Variants in GRID2 observed in about 807,000 individuals in gnomAD.
The protein encoded by GRID2 is glutamate receptor ionotropic, delta-2.
Under a neutral mutation model 114.8 loss-of-function variants are expected in GRID2, and 33 were observed. That is an observed-to-expected ratio of 0.29 (90% CI 0.22 to 0.38). The LOEUF is 0.38. GRID2 is among the 10% of genes least tolerant of loss of function. The pLI, the probability that GRID2 is intolerant of heterozygous loss-of-function variation, is 1.00. For missense variants in GRID2, 1,184 were observed against 1,257.7 expected, an observed-to-expected ratio of 0.94 and a Z score of 0.89; for synonymous variants, 505 against 449.9, an observed-to-expected ratio of 1.12 and a Z score of -1.55.
chr4:93,679,536 C>T (rs954220983), intron 14 of GRID2, among the ~76,000 whole-genome samples: 3 of 150,958 alleles, frequency 2.0e-5, no homozygotes, highest in African/African-American at 4.9e-5. Context: ...AAGTAAAGCA[C>T]TCCTCAGCAA....
chr4:92,483,332 T>A (rs889481080), intron 1 of GRID2, among the ~76,000 whole-genome samples: 1 of 152,028 alleles, frequency 6.6e-6, no homozygotes, highest in African/African-American at 2.4e-5. Context: ...AGTGAGACTC[T>A]GTCTCACAAT....
Position 93,194,322 on chromosome 4 carries a change from G to A in GRID2, c.736-13082G>A, listed in dbSNP as rs758205842. 7.4e-4 allele frequency among the ~76,000 whole-genome samples: 112 copies of A among 152,124 alleles called. 1 individual carries two copies. Among genetic ancestry groups the A allele is most frequent in the Non-Finnish European group, 2.6e-4 (18 of 68,010 alleles). ...GTGTCATCAAACTAATTTGTGCAAA[G>A]CTATAATTTGTGTAGCAATGATTGA... On this transcript the variant is annotated intron_variant, in intron 4 of 15. Transcript: ENST00000282020.
downstream of GRID2, among the ~76,000 whole-genome samples, chr4:93,778,778 T>A (rs2110348862): frequency 6.6e-6 from 1 of 152,300 alleles, no homozygotes; most frequent in East Asian, 1.9e-4. Context: ...CACTGTTTTT[T>A]AAAAAAGCTT....
At chr4:92,424,610 C>T (rs1732064867) in intron 1 of GRID2, among the ~76,000 whole-genome samples, 1 of 151,522 alleles carries the variant, frequency 6.6e-6, no homozygotes, top group Non-Finnish European at 1.5e-5. Flanking sequence ...TATAAAAGAA[C>T]TAAAATTTAC....
At chr4:92,396,397 T>C (rs1053876937) in intron 1 of GRID2, among the ~76,000 whole-genome samples, 2 of 151,962 alleles carry the variant, frequency 1.3e-5, no homozygotes, top group African/African-American at 2.4e-5. Flanking sequence ...TGCCGATTGC[T>C]TTTTGTAAGT....
chr4:92,377,573 T>G (rs1443508329), intron 1 of GRID2, among the ~76,000 whole-genome samples: 1 of 152,130 alleles, frequency 6.6e-6, no homozygotes, highest in Non-Finnish European at 1.5e-5. Context: ...CCCACTCTAC[T>G]CATAGCAATT....
intron 2 of GRID2, among the ~76,000 whole-genome samples, chr4:92,635,401 C>T (rs971348645): frequency 6.6e-6 from 1 of 151,916 alleles, no homozygotes; most frequent in Non-Finnish European, 1.5e-5. Context: ...TTATATATGT[C>T]TTTATTGTTT....
intron 2 of GRID2, among the ~76,000 whole-genome samples, chr4:92,818,651 C>T (rs967273802): frequency 2.0e-5 from 3 of 152,128 alleles, no homozygotes; most frequent in African/African-American, 7.2e-5. Context: ...CTTATATTAA[C>T]TTGATGAGTC....
At chr4:93,567,141 A>G (rs1052233935) in intron 13 of GRID2, among the ~76,000 whole-genome samples, 3 of 152,196 alleles carry the variant, frequency 2.0e-5, no homozygotes. Flanking sequence ...GGTCATGCCA[A>G]AGTTTTAAAA....
intron 2 of GRID2, among the ~76,000 whole-genome samples, chr4:92,999,727 G>A (rs556094012): frequency 6.2e-4 from 94 of 151,118 alleles, no homozygotes; most frequent in African/African-American, 2.0e-3. Flanking sequence ...TCTTTTGACC[G>A]TTATATATTT....
chr4:92,885,685 T>C (rs1240335312), intron 2 of GRID2, among the ~76,000 whole-genome samples: 1 of 152,230 alleles, frequency 6.6e-6, no homozygotes, highest in Non-Finnish European at 1.5e-5. Context: ...AAATTACTTT[T>C]TGATTGATAG....
intron 2 of GRID2, among the ~76,000 whole-genome samples, chr4:92,901,757 G>A (rs1239361731): frequency 6.6e-6 from 1 of 151,906 alleles, no homozygotes; most frequent in Non-Finnish European, 1.5e-5. Flanking sequence ...TGTGCTGTTG[G>A]ATACAGTGTT....
chr4:92,858,759 A>G (rs13117925), intron 2 of GRID2, among the ~76,000 whole-genome samples: 28,149 of 151,990 alleles, frequency 0.19, 2,954 homozygotes, highest in Middle Eastern at 0.3. Flanking sequence ...GGGTTTCACC[A>G]TGTTAGCCAG....
At chr4:92,566,990 A>G (rs1579593591) in intron 1 of GRID2, among the ~76,000 whole-genome samples, 1 of 152,010 alleles carries the variant, frequency 6.6e-6, no homozygotes, top group Non-Finnish European at 1.5e-5. Flanking sequence ...TCATTTACTT[A>G]CTTGTCAGAG....
chr4:93,633,027 C>G (rs1184986212), intron 14 of GRID2, among the ~76,000 whole-genome samples: 1 of 150,738 alleles, frequency 6.6e-6, no homozygotes, highest in Admixed American at 6.7e-5. Flanking sequence ...TTGTCTTTTA[C>G]TGGTGTATAA....
At chr4:92,339,378 C>A (rs767428872) in intron 1 of GRID2, among the ~76,000 whole-genome samples, 1 of 152,118 alleles carries the variant, frequency 6.6e-6, no homozygotes, top group African/African-American at 2.4e-5. Flanking sequence ...AACACTAGAC[C>A]AATTCAATAT....
At chr4:93,810,274 CACAG>C (rs1735107736), downstream of GRID2, 1 of 152,090 alleles carries the variant, frequency 6.6e-6, no homozygotes, top group Non-Finnish European at 1.5e-5. Context: ...CTTCCTTTCC[CACAG>C]ACATACTTTT....
intron 2 of GRID2, among the ~76,000 whole-genome samples, chr4:92,932,480 G>A (rs909239625): frequency 1.3e-5 from 2 of 151,216 alleles, no homozygotes; most frequent in African/African-American, 2.4e-5. Context: ...TAGGAAAAAT[G>A]TATGTGAAAT....
At chr4:93,001,730 G>C (rs1446512333) in intron 2 of GRID2, among the ~76,000 whole-genome samples, 15 of 151,806 alleles carry the variant, frequency 9.9e-5, no homozygotes, top group South Asian at 2.1e-4. Flanking sequence ...ATTATCAGCT[G>C]TGTGCTGGGT....
Sources: gnomAD v4.1 joint callset for allele counts (sites outside exome capture counted in the v4.1 genomes callset) on GRCh38, gnomAD v4.1.1 for gene constraint, MANE v1.5 for transcripts, NCBI Gene and HGNC (gene_info 2026-07-23, HGNC 2026-07-21) for gene names.